Variants in ITGAM observed in about 807,000 individuals in gnomAD.
ITGAM encodes integrin subunit alpha M, also known as integrin alpha-M.
ITGAM carries 79 observed loss-of-function variants against 137.5 expected under a neutral mutation model. The observed-to-expected ratio is 0.57, with a 90% CI of 0.48 to 0.69. The LOEUF (loss-of-function observed/expected upper bound fraction) is 0.69, where lower values mean the gene tolerates loss of function less well. Ranked by LOEUF, ITGAM falls within the 30% of genes least tolerant of loss-of-function variation. ITGAM has a pLI of 0.00. For missense variants in ITGAM, 1,343 were observed against 1,483.5 expected (o/e 0.91, Z 1.56); for synonymous variants, 583 against 592.3 (o/e 0.98, Z 0.23).
At chr16:31,293,237 T>G (rs2080103638) in intron 12 of ITGAM, among the ~76,000 whole-genome samples, 2 of 152,196 alleles carry the variant, frequency 1.3e-5, no homozygotes, top group Non-Finnish European at 2.9e-5. Flanking sequence ...TTTCTTTTGC[T>G]CTTGCATTTA....
At chr16:31,331,495 C>A in intron 29 of ITGAM, 141 bp from the exon 30 acceptor site, 1 of 683,630 alleles carries the variant, frequency 1.5e-6, no homozygotes, top group South Asian at 1.7e-5. Flanking sequence ...CTCCAGGCCC[C>A]GACGCGGATG....
chr16:31,282,298 T>G (rs1205760190), intron 12 of ITGAM, among the ~76,000 whole-genome samples: 1 of 152,218 alleles, frequency 6.6e-6, no homozygotes, highest in African/African-American at 2.4e-5. Flanking sequence ...CTCGTTGATC[T>G]GTCTAATGTT....
At position 31,289,996 on chromosome 16, in the gene ITGAM, G is replaced by A. The variant is rs184403616; in HGVS notation, c.1357-7518G>A. Among the ~76,000 whole-genome samples, 373 of 148,874 alleles carry A rather than the reference G, an allele frequency of 2.5e-3. 2 individuals are homozygous for A. Among genetic ancestry groups the A allele is most frequent in the African/African-American group, 8.3e-3 (333 of 40,180 alleles). Reference sequence around the variant, plus strand: ...CTTGGGAGGCTGAGGCAGGAGAATCGCTTGAATCTGGGAGGCAGAGGTTAT... The same window carrying A: ...CTTGGGAGGCTGAGGCAGGAGAATCACTTGAATCTGGGAGGCAGAGGTTAT... On this transcript the variant is annotated intron_variant, in intron 12 of 29. Coordinates refer to ENST00000544665, the MANE Select transcript of ITGAM (RefSeq NM_000632.4).
At chr16:31,265,117 C>T (rs1230620975) in intron 2 of ITGAM, among the ~76,000 whole-genome samples, 2 of 152,080 alleles carry the variant, frequency 1.3e-5, no homozygotes, top group African/African-American at 4.8e-5. Context: ...AATCCACCCC[C>T]TTGGCCTCCC....
chr16:31,328,848 ATG>A (rs1412066994), intron 23 of ITGAM, among the ~76,000 whole-genome samples: 5 of 129,142 alleles, frequency 3.9e-5, no homozygotes, highest in South Asian at 5.2e-4. Flanking sequence ...GTATTTGTGC[ATG>A]TGTGTGAGGG....
intron 14 of ITGAM, among the ~76,000 whole-genome samples, chr16:31,299,941 C>T (rs2080181193): frequency 6.6e-6 from 1 of 151,890 alleles, no homozygotes; most frequent in Admixed American, 6.6e-5. Context: ...TCCTGGAAGC[C>T]TCAACCTCCT....
At chr16:31,260,829 G>A (rs1030259290) in intron 1 of ITGAM, among the ~76,000 whole-genome samples, 1 of 152,196 alleles carries the variant, frequency 6.6e-6, no homozygotes, top group Non-Finnish European at 1.5e-5. Context: ...GCCAGCTAGA[G>A]ATTGAAGATG....
intron 5 of ITGAM, among the ~76,000 whole-genome samples, chr16:31,267,382 C>A (rs576217787): frequency 3.9e-5 from 6 of 152,124 alleles, no homozygotes; most frequent in African/African-American, 1.4e-4. Context: ...AAAACAAAAG[C>A]TTCAGGCATG....
chr16:31,324,498 A>G lies in ITGAM; in HGVS notation c.2102A>G (p.Gln701Arg). The G allele has an allele frequency of 6.2e-7, 1 of 1,601,354 alleles. No homozygotes were observed. The highest frequency in any genetic ancestry group is 8.5e-7 in the Non-Finnish European group (1 of 1,174,158). The change falls in exon 17 of 30, where the codon CAG (glutamine) becomes CGG (arginine). Residue 701 changes from glutamine to arginine, a missense_variant. Gln to Arg is a conservative substitution (Grantham distance 43). Coordinates refer to ENST00000544665, the MANE Select transcript of ITGAM (RefSeq NM_000632.4). The surrounding 1 kb of genome is among the most constrained non-coding windows in gnomAD (Gnocchi z 4.5). ...GAGACAAAGAACAGCACACGCAGACAGACACAGGTCTTGGGGCTGACCCAG... is the reference window on the plus strand; with the variant it reads ...GAGACAAAGAACAGCACACGCAGACGGACACAGGTCTTGGGGCTGACCCAG... ...FNETKNSTRR[Q>R]TQVLGLTQTC...
intron 14 of ITGAM, among the ~76,000 whole-genome samples, chr16:31,302,443 C>CTT (rs1280086665): frequency 2.1e-4 from 20 of 96,012 alleles, no homozygotes; most frequent in Non-Finnish European, 3.7e-4. Context: ...TTCTTTCTTT[C>CTT]TTTCTTTCTT....
At chr16:31,270,743 A>ATATTTTT (rs1475429642) in intron 5 of ITGAM, among the ~76,000 whole-genome samples, 1 of 106,196 alleles carries the variant, frequency 9.4e-6, no homozygotes, top group African/African-American at 4.8e-5. Context: ...ATATATATAT[A>ATATTTTT]TGTTTTTAAC....
chr16:31,285,879 C>G (rs2080024351), intron 12 of ITGAM, among the ~76,000 whole-genome samples: 1 of 151,450 alleles, frequency 6.6e-6, no homozygotes, highest in South Asian at 2.1e-4. Flanking sequence ...GCAACGTTGC[C>G]CAGGCTGGTT....
At chr16:31,330,673 A>AGGAGAGAGAGACACAAAGAGAGAG (rs2080569093) in intron 28 of ITGAM, 68 bp downstream of exon 28, 4 of 1,118,638 alleles carry the variant, frequency 3.6e-6, no homozygotes, top group South Asian at 1.5e-5. Flanking sequence ...TTTCTGGGGG[A>AGGAGAGAGAGACACAAAGAGAGAG]GGAGAGAGAG....
At chr16:31,282,477 C>A (rs950227182) in intron 12 of ITGAM, among the ~76,000 whole-genome samples, 2 of 152,098 alleles carry the variant, frequency 1.3e-5, no homozygotes, top group South Asian at 2.1e-4. Flanking sequence ...TATGTAATGG[C>A]CTTCTTTGTC....
chr16:31,319,439 G>C (rs1237300768), intron 14 of ITGAM, among the ~76,000 whole-genome samples: 1 of 151,916 alleles, frequency 6.6e-6, no homozygotes, highest in Non-Finnish European at 1.5e-5. Flanking sequence ...ATCATTATTT[G>C]TTTTTTGACT....
At position 31,330,169 on chromosome 16, in the gene ITGAM, G is replaced by T. The variant is rs1303669758; in HGVS notation, c.3060+5G>T. ...CTTCGGAAGGCCCCCGTGGTGGTGAGAAGCTAAGTCAGCCCCAGGGCCACA... is the reference window on the plus strand; with the variant it reads ...CTTCGGAAGGCCCCCGTGGTGGTGATAAGCTAAGTCAGCCCCAGGGCCACA... On this transcript the variant is annotated splice_donor_5th_base_variant and intron_variant, in intron 26 of 29. Transcript: ENST00000544665. 6.2e-7 allele frequency: 1 copy of T among 1,612,694 alleles called. No homozygotes were observed. The highest frequency in any genetic ancestry group is 2.2e-5 in the East Asian group (1 of 44,836).
rs773480766 is a variant in ITGAM at position 31,325,047 on chromosome 16, T to A, written c.2363+16T>A. The A allele has an allele frequency of 6.3e-7, 1 of 1,599,860 alleles. No homozygotes were observed. Among genetic ancestry groups the A allele is most frequent in the South Asian group, 1.1e-5 (1 of 90,066 alleles). The stretch of plus-strand genomic sequence containing the variant: ...GTTTCATGAGGTGAGTTTCCTTTCC[T>A]CCTCACCTCCTCCAGAGAAGGACCC... On this transcript the variant is annotated intron_variant, in intron 19 of 29. Transcript: ENST00000544665.
Position 31,277,044 on chromosome 16 carries a change from A to G in ITGAM, c.1208A>G (p.Tyr403Cys). ...TRVDSDMNDA[Y>C]LGYAAAIILR... ...GTGGATTCAGACATGAATGATGCTT[A>G]CTTGGGTAAGTGGGGAGGGCAAGGG... Residue 403 changes from tyrosine (Y) to cysteine (C), a missense_variant, in exon 11 of 30, where the codon TAC (tyrosine) becomes TGC (cysteine). By Grantham distance (194) the Tyr-to-Cys change is radical. Coordinates refer to ENST00000544665, the MANE Select transcript of ITGAM (RefSeq NM_000632.4). The G allele has an allele frequency of 6.2e-7, 1 of 1,610,656 alleles. No individual in the cohort carries two copies. The highest frequency in any genetic ancestry group is 1.1e-5 in the South Asian group (1 of 90,490).
chr16:31,270,677 C>G (rs2079822797), intron 5 of ITGAM, among the ~76,000 whole-genome samples: 1 of 102,780 alleles, frequency 9.7e-6, no homozygotes, highest in African/African-American at 3.8e-5. Flanking sequence ...ACATGCCTGA[C>G]TAATTTTTAA....
Sources: allele counts gnomAD v4.1 joint callset (sites outside exome capture counted in the v4.1 genomes callset), GRCh38; gene constraint gnomAD v4.1.1; non-coding constraint Gnocchi (gnomAD v3.1); transcripts MANE v1.5; gene names NCBI Gene and HGNC (gene_info 2026-07-23, HGNC 2026-07-21).